The following MGRN1 variants were observed in gnomAD, a reference collection of about 807,000 sequenced individuals.
MGRN1 encodes E3 ubiquitin-protein ligase MGRN1.
MGRN1 carries 29 observed loss-of-function variants against 69.2 expected under a neutral mutation model. The ratio of observed to expected loss-of-function variants is 0.42; its 90% CI spans 0.31 to 0.57. MGRN1 has a LOEUF of 0.57. Ranked by LOEUF, MGRN1 falls within the 20% of genes least tolerant of loss-of-function variation. The pLI, the probability that MGRN1 is intolerant of heterozygous loss-of-function variation, is 0.15. For synonymous variants in MGRN1, 470 were observed against 344.2 expected, an observed-to-expected ratio of 1.37 and a Z score of -4.04; for missense variants, 998 against 796.2, an observed-to-expected ratio of 1.25 and a Z score of -3.05.
chr16:4,674,887 G>A (rs539415841), intron 10 of MGRN1, among the ~76,000 whole-genome samples: 130 of 147,918 alleles, frequency 8.8e-4, no homozygotes, highest in Non-Finnish European at 1.2e-3. Flanking sequence ...TGATCCACCC[G>A]CCTCGGCCTC....
intron 10 of MGRN1, among the ~76,000 whole-genome samples, chr16:4,674,726 C>T (rs1394593430): frequency 5.5e-5 from 8 of 145,276 alleles, no homozygotes; most frequent in East Asian, 4.1e-4. Flanking sequence ...CTGCAAGCTC[C>T]GCTTCCCGGG....
intron 7 of MGRN1, among the ~76,000 whole-genome samples, chr16:4,667,896 C>G (rs1234617808): frequency 1.3e-5 from 2 of 152,110 alleles, no homozygotes; most frequent in South Asian, 2.1e-4. Flanking sequence ...TTGATTCTTG[C>G]TGCCAGGTGA....
At chr16:4,629,150 ATGTGTG>A (rs377682804) in intron 1 of MGRN1, among the ~76,000 whole-genome samples, 40 of 127,694 alleles carry the variant, frequency 3.1e-4, no homozygotes, top group East Asian at 1.8e-3. Context: ...TTCTGTTCGT[ATGTGTG>A]TGTGTGTGTG....
intron 1 of MGRN1, among the ~76,000 whole-genome samples, chr16:4,648,226 TC>T (rs2078315545): frequency 6.6e-6 from 1 of 152,038 alleles, no homozygotes; most frequent in Non-Finnish European, 1.5e-5. Flanking sequence ...ACCCGGGTCC[TC>T]CCCTCGGAGA....
intron 8 of MGRN1, among the ~76,000 whole-genome samples, chr16:4,668,949 T>A (rs908799838): frequency 1.3e-5 from 2 of 151,958 alleles, no homozygotes; most frequent in East Asian, 1.9e-4. Flanking sequence ...TGCACACATA[T>A]ACATAGACAC....
chr16:4,658,542 A>T (rs200835118), intron 5 of MGRN1, among the ~76,000 whole-genome samples: 1 of 56,324 alleles, frequency 1.8e-5, no homozygotes, highest in Non-Finnish European at 5.4e-5. Context: ...TCTCAGAAAA[A>T]AAAAAAACAA....
At chr16:4,688,072 C>T (rs1051540793) in intron 16 of MGRN1, 7 of 985,416 alleles carry the variant, frequency 7.1e-6, no homozygotes, top group Middle Eastern at 1.0e-3. Flanking sequence ...CCTGCTCTCG[C>T]CGCGGCCCCC....
rs9929858 is a variant in MGRN1 at position 4,677,884 on chromosome 16, C to T, written c.1065+312C>T. ...TTGAGGCAGGGTCTCGGTCTGTCAC[C>T]GAGGCTGGTGTGCACCCAAAGTGGT... On this transcript the variant is annotated intron_variant, in intron 11 of 16. Coordinates refer to ENST00000262370, the MANE Select transcript of MGRN1 (RefSeq NM_015246.4). Among the ~76,000 whole-genome samples, 1,256 of 149,208 alleles carry T rather than the reference C, an allele frequency of 8.4e-3. 20 individuals are homozygous for T. Among genetic ancestry groups the T allele is most frequent in the African/African-American group, 0.03 (1,200 of 40,414 alleles).
At chr16:4,684,035 A>G in intron 16 of MGRN1, 103 bp downstream of exon 16, 1 of 1,026,388 alleles carries the variant, frequency 9.7e-7, no homozygotes, top group East Asian at 2.6e-5. Flanking sequence ...GAGGCTGTCC[A>G]TTGGAGCCTG....
chr16:4,666,566 A>G (rs1156261239), intron 7 of MGRN1, among the ~76,000 whole-genome samples: 2 of 152,188 alleles, frequency 1.3e-5, no homozygotes, highest in African/African-American at 4.8e-5. Context: ...TCTGCGGTAG[A>G]CTGCCTTCGC....
In MGRN1 at chr16:4,669,431, C is replaced by CAAAAAAAA. The variant is rs58001283; in HGVS notation, c.726+1129_726+1136dup. Among the ~76,000 whole-genome samples the CAAAAAAAA allele has an allele frequency of 1.5e-4, 14 of 93,018 alleles. 1 individual carries two copies. The highest frequency in any genetic ancestry group is 2.9e-4 in the African/African-American group (7 of 24,166). 61.0% of individuals were successfully genotyped at this position (93,018 alleles called of 152,430 possible). A position where few individuals can be genotyped will look rare whatever the true frequency, so the allele number is the denominator to read the frequency against. ...CCTGGGTGACAGAGGAAGACTGTGT[C>CAAAAAAAA]AAAAAAAAAAAAAAAAAGCTGTGCA... On this transcript the variant is annotated intron_variant, in intron 8 of 16. Transcript: ENST00000262370.
rs1246898461 is a variant in MGRN1, at chr16:4,689,609, GT to G, written c.*702del. The G allele has an allele frequency of 6.6e-6, 1 of 152,178 alleles. No individual in the cohort carries two copies. The highest frequency in any genetic ancestry group is 1.5e-5 in the Non-Finnish European group (1 of 68,044). 9.4% of individuals were successfully genotyped at this position (152,178 alleles called of 1,614,324 possible). ...CCAGCAGCCAGCATTCAGTGGCCTT[GT>G]CACCAAGCTCCACACCTCCTCCTGG... On this transcript the variant is annotated 3_prime_UTR_variant, in exon 17 of 17. Coordinates refer to ENST00000262370, the MANE Select transcript of MGRN1 (RefSeq NM_015246.4).
At chr16:4,635,186 C>T (rs892440564) in intron 1 of MGRN1, among the ~76,000 whole-genome samples, 16 of 152,140 alleles carry the variant, frequency 1.1e-4, no homozygotes, top group African/African-American at 1.2e-4. Context: ...CTGAGGCAGG[C>T]GGATCACTTG....
chr16:4,677,527 CT>C lies in MGRN1; in HGVS notation c.1022del (p.Phe341SerfsTer157). On this transcript the variant is annotated frameshift_variant, in exon 11 of 17. Transcript: ENST00000262370. LOFTEE classifies it high-confidence loss of function. ...KKPGALSPVS[F>X]SPVLAQSLEH... ...AGCCAGGAGCCCTGTCCCCCGTGTC[CT>C]TCAGCCCCGTCCTGGCCCAGAGCCT... 1 of 1,599,044 alleles carries C rather than the reference CT, an allele frequency of 6.3e-7. No homozygotes were observed.
At chr16:4,632,482 C>T (rs894783439) in intron 1 of MGRN1, among the ~76,000 whole-genome samples, 1 of 151,954 alleles carries the variant, frequency 6.6e-6, no homozygotes, top group Non-Finnish European at 1.5e-5. Context: ...CAAGCTCTGC[C>T]TCCCGGGTTC....
intron 1 of MGRN1, among the ~76,000 whole-genome samples, chr16:4,627,883 A>G (rs1897766924): frequency 2.0e-5 from 3 of 151,284 alleles, no homozygotes; most frequent in Non-Finnish European, 4.4e-5. Context: ...GATCAAGACC[A>G]TCCTGGCTAA....
chr16:4,682,400 C>T (rs1475999092), intron 13 of MGRN1, among the ~76,000 whole-genome samples: 1 of 152,230 alleles, frequency 6.6e-6, no homozygotes, highest in East Asian at 1.9e-4. Context: ...GTGCCTCAGG[C>T]CTGTCGGTTC....
At chr16:4,625,121 G>T in intron 1 of MGRN1, 73 bp downstream of exon 1, 1 of 1,365,298 alleles carries the variant, frequency 7.3e-7, no homozygotes, top group South Asian at 1.4e-5. Flanking sequence ...CGGGGGCGGG[G>T]ACTCGGGGCG....
At chr16:4,671,120 G>A (rs2078927545) in intron 8 of MGRN1, among the ~76,000 whole-genome samples, 2 of 152,298 alleles carry the variant, frequency 1.3e-5, no homozygotes, top group South Asian at 4.1e-4. Context: ...GTGGTGAGGC[G>A]GTCAGGGGGT....
Sources: gnomAD v4.1 joint callset for allele counts (sites outside exome capture counted in the v4.1 genomes callset) on GRCh38, gnomAD v4.1.1 for gene constraint, MANE v1.5 for transcripts, NCBI Gene and HGNC (gene_info 2026-07-23, HGNC 2026-07-21) for gene names.